Variants in LSAMP observed in about 807,000 individuals in gnomAD.
LSAMP encodes limbic system-associated membrane protein.
Under a neutral mutation model 38.6 loss-of-function variants are expected in LSAMP, and 7 were observed. That is an observed-to-expected ratio of 0.18 (90% CI 0.10 to 0.34). LSAMP has a LOEUF of 0.34. Among genes scored for constraint, LSAMP ranks in the 10% least tolerant of loss-of-function variants. The probability of loss-of-function intolerance (pLI) is 1.00; values close to 1 mark genes in which losing one functional copy is unlikely to be tolerated. For synonymous variants in LSAMP, 154 were observed against 166.8 expected, an observed-to-expected ratio of 0.92 and a Z score of 0.59; for missense variants, 313 against 420.0, an observed-to-expected ratio of 0.75 and a Z score of 2.23.
At chr3:116,200,337 G>T (rs1208491781) in intron 1 of LSAMP, among the ~76,000 whole-genome samples, 1 of 152,212 alleles carries the variant, frequency 6.6e-6, no homozygotes, top group East Asian at 1.9e-4. Flanking sequence ...TTAGGTTGAG[G>T]ATGGTATCAT....
At chr3:116,177,280 A>G (rs1308333648) in intron 1 of LSAMP, among the ~76,000 whole-genome samples, 2 of 152,132 alleles carry the variant, frequency 1.3e-5, no homozygotes, top group African/African-American at 4.8e-5. Context: ...TATGTCTCAG[A>G]GATTTAAGAT....
intron 1 of LSAMP, among the ~76,000 whole-genome samples, chr3:116,186,812 A>G (rs1559775183): frequency 1.3e-5 from 2 of 152,076 alleles, no homozygotes; most frequent in Non-Finnish European, 2.9e-5. Context: ...CTAGAAAATC[A>G]TTTGACCAGC....
intron 1 of LSAMP, among the ~76,000 whole-genome samples, chr3:116,208,998 C>T (rs1459515653): frequency 1.3e-5 from 2 of 152,216 alleles, no homozygotes; most frequent in East Asian, 1.9e-4. Flanking sequence ...CCTCCCGGAG[C>T]CTCGCTGCCG....
At chr3:115,810,467 G>C in intron 6 of LSAMP, 53 bp from the exon 7 acceptor site, 1 of 1,196,134 alleles carries the variant, frequency 8.4e-7, no homozygotes, top group Non-Finnish European at 1.2e-6. Flanking sequence ...TGGGCCCACT[G>C]TATGTTATAG....
rs138764536 is a variant in LSAMP, at chr3:116,412,596, GA to G, written c.155+32280del. 4.4e-3 allele frequency among the ~76,000 whole-genome samples: 667 copies of G among 152,210 alleles called. 4 individuals carry two copies. The highest frequency in any genetic ancestry group is 0.015 in the African/African-American group (631 of 41,548). ...AGTTCGTAGTTTAGAAGCATCTTCAGAAATCATGAATTACATTGCATTTGAG... is the reference window on the plus strand; with the variant it reads ...AGTTCGTAGTTTAGAAGCATCTTCAGAATCATGAATTACATTGCATTTGAG... On this transcript the variant is annotated intron_variant, in intron 1 of 6. Coordinates refer to ENST00000490035, the MANE Select transcript of LSAMP (RefSeq NM_002338.5).
At chr3:116,432,477 GT>G (rs1462758174) in intron 1 of LSAMP, among the ~76,000 whole-genome samples, 2 of 151,576 alleles carry the variant, frequency 1.3e-5, no homozygotes, top group Non-Finnish European at 2.9e-5. Flanking sequence ...TAGATTTTGA[GT>G]TCTGTTTTAT....
At chr3:116,247,506 T>G (rs567869503) in intron 1 of LSAMP, among the ~76,000 whole-genome samples, 7 of 152,230 alleles carry the variant, frequency 4.6e-5, no homozygotes, top group African/African-American at 1.7e-4. Context: ...GGAATGAAAA[T>G]CTTACAAATA....
At chr3:116,385,934 A>G (rs1465516538) in intron 1 of LSAMP, among the ~76,000 whole-genome samples, 2 of 152,018 alleles carry the variant, frequency 1.3e-5, no homozygotes, top group East Asian at 3.9e-4. Context: ...TACTACTACT[A>G]CTACTACTAC....
chr3:116,431,700 A>T (rs1381352229), intron 1 of LSAMP, among the ~76,000 whole-genome samples: 2 of 152,048 alleles, frequency 1.3e-5, no homozygotes, highest in African/African-American at 4.8e-5. Context: ...AAAATTGCAA[A>T]GGGTATAATA....
intron 4 of LSAMP, among the ~76,000 whole-genome samples, chr3:115,850,680 C>G (rs2107520120): frequency 1.3e-5 from 2 of 152,310 alleles, no homozygotes; most frequent in South Asian, 4.1e-4. Context: ...TCATGAAATG[C>G]AACCCCTTGC....
chr3:115,916,494 T>C (rs1250507634), intron 3 of LSAMP, among the ~76,000 whole-genome samples: 1 of 152,204 alleles, frequency 6.6e-6, no homozygotes, highest in Non-Finnish European at 1.5e-5. Flanking sequence ...TCACTTATAA[T>C]ACTGATATAT....
chr3:116,299,188 G>A (rs1490939411), intron 1 of LSAMP, among the ~76,000 whole-genome samples: 1 of 152,158 alleles, frequency 6.6e-6, no homozygotes, highest in Non-Finnish European at 1.5e-5. Context: ...GGAATTGGGA[G>A]AAGTAGAAAC....
At chr3:115,866,989 C>T (rs1485172572) in intron 3 of LSAMP, among the ~76,000 whole-genome samples, 1 of 151,838 alleles carries the variant, frequency 6.6e-6, no homozygotes, top group East Asian at 1.9e-4. Flanking sequence ...TGGAAAAAGA[C>T]TGGAATGAAA....
At chr3:116,192,956 A>T (rs1710788844) in intron 1 of LSAMP, among the ~76,000 whole-genome samples, 1 of 152,208 alleles carries the variant, frequency 6.6e-6, no homozygotes, top group Non-Finnish European at 1.5e-5. Context: ...CCACTTAATT[A>T]GACAATTTTA....
At chr3:116,316,543 C>A (rs557949619) in intron 1 of LSAMP, among the ~76,000 whole-genome samples, 10 of 151,990 alleles carry the variant, frequency 6.6e-5, no homozygotes, top group Non-Finnish European at 1.2e-4. Context: ...GAGACCGAGG[C>A]GGGTAGATCA....
intron 1 of LSAMP, among the ~76,000 whole-genome samples, chr3:116,195,892 A>G (rs1186048265): frequency 6.6e-6 from 1 of 152,178 alleles, no homozygotes; most frequent in Non-Finnish European, 1.5e-5. Flanking sequence ...GGATCCAAGA[A>G]TCTATTTTTA....
intron 1 of LSAMP, among the ~76,000 whole-genome samples, chr3:116,316,909 A>G (rs908232860): frequency 1.3e-5 from 2 of 152,168 alleles, no homozygotes; most frequent in Non-Finnish European, 2.9e-5. Context: ...AGGTCACTCA[A>G]TTTGGCCAGA....
chr3:115,921,256 C>G (rs1421560751), intron 3 of LSAMP, among the ~76,000 whole-genome samples: 1 of 151,930 alleles, frequency 6.6e-6, no homozygotes, highest in Non-Finnish European at 1.5e-5. Flanking sequence ...CCTTGTAGCT[C>G]TTTTATCCTT....
chr3:115,973,121 G>A (rs1939071680), intron 3 of LSAMP, among the ~76,000 whole-genome samples: 1 of 152,036 alleles, frequency 6.6e-6, no homozygotes, highest in South Asian at 2.1e-4. Flanking sequence ...TGGTGATGGT[G>A]TTAAATGTTA....
Sources: allele counts gnomAD v4.1 joint callset (sites outside exome capture counted in the v4.1 genomes callset), GRCh38; gene constraint gnomAD v4.1.1; transcripts MANE v1.5; gene names NCBI Gene and HGNC (gene_info 2026-07-23, HGNC 2026-07-21).